The following ATE1 variants were observed in gnomAD, a reference collection of about 807,000 sequenced individuals.
The protein encoded by ATE1 is arginyl-tRNA--protein transferase 1.
Under a neutral mutation model 70.5 loss-of-function variants are expected in ATE1, and 36 were observed. The ratio of observed to expected loss-of-function variants is 0.51; its 90% CI spans 0.39 to 0.67. ATE1 has a LOEUF of 0.67. Ranked by LOEUF, ATE1 falls within the 30% of genes least tolerant of loss-of-function variation. The probability of loss-of-function intolerance (pLI) is 0.00; values close to 1 mark genes in which losing one functional copy is unlikely to be tolerated. For synonymous variants in ATE1, 232 were observed against 219.3 expected (o/e 1.06, Z -0.51); for missense variants, 593 against 629.5 (o/e 0.94, Z 0.62).
intron 8 of ATE1, chr10:121,846,712 A>G (rs1219034044): frequency 4.2e-5 from 1 of 23,540 alleles, no homozygotes; most frequent in Admixed American, 8.4e-4. Context: ...AAATAAATAA[A>G]TAAATAAATA....
At chr10:121,766,524 T>C (rs1945284151) in intron 11 of ATE1, among the ~76,000 whole-genome samples, 1 of 151,986 alleles carries the variant, frequency 6.6e-6, no homozygotes, top group Non-Finnish European at 1.5e-5. Flanking sequence ...ACTCCCTGGG[T>C]TTTCTTTTTG....
chr10:121,861,026 A>T (rs923171417), intron 8 of ATE1, among the ~76,000 whole-genome samples: 1 of 152,204 alleles, frequency 6.6e-6, no homozygotes, highest in African/African-American at 2.4e-5. Context: ...TGATGTCCCC[A>T]TGGAAACTAA....
intron 11 of ATE1, among the ~76,000 whole-genome samples, chr10:121,746,725 G>A (rs1944387217): frequency 6.7e-6 from 1 of 150,090 alleles, no homozygotes; most frequent in South Asian, 2.1e-4. Context: ...GAATACTTAA[G>A]TTAGATTACA....
At chr10:121,822,009 C>T (rs1360983924) in intron 10 of ATE1, among the ~76,000 whole-genome samples, 1 of 152,172 alleles carries the variant, frequency 6.6e-6, no homozygotes, top group Non-Finnish European at 1.5e-5. Context: ...TAAACCTAAA[C>T]ACACGCATAC....
intron 7 of ATE1, among the ~76,000 whole-genome samples, chr10:121,892,188 T>C (rs1329785197): frequency 8.5e-5 from 13 of 152,170 alleles, no homozygotes; most frequent in Admixed American, 7.9e-4. Flanking sequence ...TCTCTATCTG[T>C]AGGCCAAGGG....
At chr10:121,746,466 A>C in intron 11 of ATE1, among the ~76,000 whole-genome samples, 1 of 152,324 alleles carries the variant, frequency 6.6e-6, no homozygotes, top group Non-Finnish European at 1.5e-5. Flanking sequence ...GTTGTTTTTA[A>C]GGTTAATTTA....
upstream of ATE1, chr10:121,928,274 C>A (rs1952188097): frequency 6.1e-6 from 9 of 1,467,772 alleles, no homozygotes; most frequent in Middle Eastern, 2.4e-4. Context: ...GGGGTGCGAG[C>A]CTGCCCTTTC....
At chr10:121,919,620 T>C (rs989622430) in intron 3 of ATE1, among the ~76,000 whole-genome samples, 2 of 151,564 alleles carry the variant, frequency 1.3e-5, no homozygotes, top group African/African-American at 4.8e-5. Context: ...ATTCTAAAAT[T>C]AACACGCAAA....
At chr10:121,885,829 G>A (rs1487977233) in intron 7 of ATE1, among the ~76,000 whole-genome samples, 5 of 152,140 alleles carry the variant, frequency 3.3e-5, no homozygotes, top group Non-Finnish European at 7.3e-5. Context: ...GAACCTGGGA[G>A]GTGGTTGTTG....
At chr10:121,757,693 A>C (rs1373099069) in intron 11 of ATE1, among the ~76,000 whole-genome samples, 1 of 152,218 alleles carries the variant, frequency 6.6e-6, no homozygotes, top group Non-Finnish European at 1.5e-5. Flanking sequence ...TCACTATCAC[A>C]AAAACAGTAC....
intron 11 of ATE1, among the ~76,000 whole-genome samples, chr10:121,771,801 A>G (rs1284696228): frequency 3.9e-5 from 6 of 152,212 alleles, no homozygotes; most frequent in African/African-American, 9.6e-5. Context: ...ACAGCTCAAT[A>G]CTTGAAAAAA....
chr10:121,887,657 G>A (rs563210638), intron 7 of ATE1, among the ~76,000 whole-genome samples: 1 of 152,222 alleles, frequency 6.6e-6, no homozygotes, highest in South Asian at 2.1e-4. Context: ...AGTGAGCTAT[G>A]ATCACGCCAC....
At chr10:121,857,915 T>G (rs1949307291) in intron 8 of ATE1, among the ~76,000 whole-genome samples, 1 of 152,256 alleles carries the variant, frequency 6.6e-6, no homozygotes, top group Admixed American at 6.5e-5. Flanking sequence ...GACTACTGTA[T>G]GTACCTCATG....
intron 10 of ATE1, among the ~76,000 whole-genome samples, chr10:121,826,252 CTTAAAAGTG>C (rs112935980): frequency 0.73 from 110,984 of 151,514 alleles, 40,749 homozygotes; most frequent in Middle Eastern, 0.79. Flanking sequence ...AAACTGAGCA[CTTAAAAGTG>C]TTTAAGAGGG....
chr10:121,845,580 C>T (rs1381371281), intron 8 of ATE1, among the ~76,000 whole-genome samples: 1 of 152,162 alleles, frequency 6.6e-6, no homozygotes, highest in Non-Finnish European at 1.5e-5. Flanking sequence ...ATGAAGGTAA[C>T]AGGAACTCTG....
chr10:121,881,053 CTTA>C (rs1217133342), intron 7 of ATE1, among the ~76,000 whole-genome samples: 1 of 152,160 alleles, frequency 6.6e-6, no homozygotes, highest in Admixed American at 6.5e-5. Context: ...GCAGCTTTTA[CTTA>C]TTATAGTAGA....
intron 11 of ATE1, among the ~76,000 whole-genome samples, chr10:121,749,897 G>A (rs1480752309): frequency 6.6e-6 from 1 of 152,056 alleles, no homozygotes; most frequent in Admixed American, 6.5e-5. Flanking sequence ...CCCTTCAGTG[G>A]GTATAATATA....
At chr10:121,924,580 A>T (rs1005200235) in intron 1 of ATE1, among the ~76,000 whole-genome samples, 1 of 151,686 alleles carries the variant, frequency 6.6e-6, no homozygotes, top group African/African-American at 2.4e-5. Flanking sequence ...GGCGCCTGTA[A>T]TCCCAGCTAC....
chr10:121,831,428 C>T (rs1948231303), intron 10 of ATE1, among the ~76,000 whole-genome samples: 1 of 152,178 alleles, frequency 6.6e-6, no homozygotes, highest in Admixed American at 6.5e-5. Flanking sequence ...AACACAGCTA[C>T]AAGCAAGACT....
Sources: allele counts gnomAD v4.1 joint callset (sites outside exome capture counted in the v4.1 genomes callset), GRCh38; gene constraint gnomAD v4.1.1; transcripts MANE v1.5; gene names NCBI Gene and HGNC (gene_info 2026-07-23, HGNC 2026-07-21).